Variants in FMN2 observed in about 807,000 individuals in gnomAD.
FMN2 encodes the protein formin 2.
Under a neutral mutation model 142.3 loss-of-function variants are expected in FMN2, and 51 were observed. That is an observed-to-expected ratio of 0.36 (90% CI 0.29 to 0.45). FMN2 has a LOEUF of 0.45. Ranked by LOEUF, FMN2 falls within the 20% of genes least tolerant of loss-of-function variation. The pLI is 1.00. For missense variants in FMN2, 1,936 were observed against 2,122.8 expected, an observed-to-expected ratio of 0.91 and a Z score of 1.73; for synonymous variants, 882 against 869.8, an observed-to-expected ratio of 1.01 and a Z score of -0.25.
At chr1:240,219,974 G>A (rs1572081663) in intron 6 of FMN2, among the ~76,000 whole-genome samples, 1 of 152,116 alleles carries the variant, frequency 6.6e-6, no homozygotes, top group African/African-American at 2.4e-5. Context: ...AATGGAAGAT[G>A]TTTAGTATTT....
chr1:240,350,493 C>A (rs1207929627), intron 13 of FMN2, among the ~76,000 whole-genome samples: 1 of 152,162 alleles, frequency 6.6e-6, no homozygotes, highest in Non-Finnish European at 1.5e-5. Context: ...AAATTATAAT[C>A]AGAAACAAAG....
chr1:240,214,421 G>T (rs903458756), intron 6 of FMN2, among the ~76,000 whole-genome samples: 1 of 151,864 alleles, frequency 6.6e-6, no homozygotes, highest in Non-Finnish European at 1.5e-5. Flanking sequence ...CGTGGCAGCA[G>T]GTGCCCGTAG....
At chr1:240,431,582 G>A (rs76773771) in intron 15 of FMN2, among the ~76,000 whole-genome samples, 5,333 of 151,300 alleles carry the variant, frequency 0.035, 260 homozygotes, top group African/African-American at 0.12. Context: ...ATACCATTGC[G>A]TATGTTAACT....
intron 2 of FMN2, chr1:240,143,945 C>T (rs1237646026): frequency 1.4e-6 from 2 of 1,469,596 alleles, no homozygotes; most frequent in East Asian, 2.3e-5. Flanking sequence ...GGAACCAAGT[C>T]TCATGGTGTT....
chr1:240,283,054 A>C (rs553368196), intron 7 of FMN2, among the ~76,000 whole-genome samples: 1 of 152,118 alleles, frequency 6.6e-6, no homozygotes, highest in South Asian at 2.1e-4. Context: ...AGTGACATGC[A>C]CCTCCCGAAG....
intron 6 of FMN2, chr1:240,245,564 T>G (rs754565861): frequency 2.1e-6 from 1 of 471,368 alleles, no homozygotes; most frequent in South Asian, 1.5e-5. Context: ...AGGCAGAGGA[T>G]GGTAAGTGTC....
At chr1:240,381,289 C>A (rs1010940601) in intron 14 of FMN2, among the ~76,000 whole-genome samples, 5 of 152,106 alleles carry the variant, frequency 3.3e-5, no homozygotes, top group African/African-American at 1.2e-4. Flanking sequence ...ACTAGCAAAC[C>A]AAATCCAACA....
At chr1:240,286,565 G>T (rs1295655504) in intron 7 of FMN2, among the ~76,000 whole-genome samples, 2 of 152,104 alleles carry the variant, frequency 1.3e-5, no homozygotes, top group Non-Finnish European at 2.9e-5. Flanking sequence ...GAGTAGAGCT[G>T]GCTTCCACAT....
intron 7 of FMN2, among the ~76,000 whole-genome samples, chr1:240,275,699 C>T (rs1483010550): frequency 6.6e-6 from 1 of 152,166 alleles, no homozygotes; most frequent in Admixed American, 6.5e-5. Context: ...CTAATTTACA[C>T]TCTCACCAAC....
chr1:240,159,723 ATTAC>A (rs1480221944), intron 2 of FMN2, among the ~76,000 whole-genome samples: 1 of 151,824 alleles, frequency 6.6e-6, no homozygotes. Context: ...ACTGCCATTT[ATTAC>A]TTTTAATTCT....
At position 240,202,775 on chromosome 1, in the gene FMN2, TC is replaced by T. The variant is rs1245047855; in HGVS notation, c.1987-4022del. On this transcript the variant is annotated intron_variant, in intron 4 of 17. Coordinates refer to ENST00000319653, the MANE Select transcript of FMN2 (RefSeq NM_020066.5). ...ACTGTGCCTCATCAGAATCACTTTT[TC>T]CTCTGTGTGTGTATGTGTTTATATA... 2.6e-5 allele frequency among the ~76,000 whole-genome samples: 4 copies of T among 152,190 alleles called. No individual in the cohort carries two copies. In the East Asian group the frequency reaches 7.7e-4, roughly 29 times the overall value.
chr1:240,168,624 T>C (rs1356069494), intron 2 of FMN2, among the ~76,000 whole-genome samples: 1 of 152,124 alleles, frequency 6.6e-6, no homozygotes, highest in Non-Finnish European at 1.5e-5. Context: ...TTTTTGTTAT[T>C]TCCCCAATAG....
chr1:240,470,216 A>AAC (rs373715603), intron 16 of FMN2, among the ~76,000 whole-genome samples: 30,004 of 151,234 alleles, frequency 0.2, 3,175 homozygotes, highest in Middle Eastern at 0.28. Context: ...TGAAAAAAAA[A>AAC]AAAAAAACAG....
At chr1:240,175,697 T>G (rs1664885481) in intron 2 of FMN2, among the ~76,000 whole-genome samples, 1 of 142,974 alleles carries the variant, frequency 7.0e-6, no homozygotes, top group Non-Finnish European at 1.5e-5. Context: ...CCCAGGCTGG[T>G]GCTTTATTTT....
chr1:240,304,897 T>G (rs968021077), intron 8 of FMN2, among the ~76,000 whole-genome samples: 2 of 152,178 alleles, frequency 1.3e-5, no homozygotes, highest in Non-Finnish European at 2.9e-5. Context: ...TTAACTGTAA[T>G]TTAAGCTCCA....
At chr1:240,101,315 G>C (rs1258081800) in intron 1 of FMN2, among the ~76,000 whole-genome samples, 2 of 152,148 alleles carry the variant, frequency 1.3e-5, no homozygotes, top group Non-Finnish European at 2.9e-5. Context: ...TGTGTATTTA[G>C]AGCTTTCCTT....
chr1:240,428,215 A>T (rs916950763), intron 15 of FMN2, among the ~76,000 whole-genome samples: 1 of 148,862 alleles, frequency 6.7e-6, no homozygotes, highest in Admixed American at 6.7e-5. Flanking sequence ...ATTGTTACTG[A>T]TCTCCAAAAC....
intron 1 of FMN2, among the ~76,000 whole-genome samples, chr1:240,107,248 A>G (rs1661648766): frequency 6.6e-6 from 1 of 152,076 alleles, no homozygotes; most frequent in Non-Finnish European, 1.5e-5. Context: ...GACTGAGTGA[A>G]GATCAAATGG....
chr1:240,165,904 T>A (rs1664462747), intron 2 of FMN2, among the ~76,000 whole-genome samples: 1 of 151,922 alleles, frequency 6.6e-6, no homozygotes, highest in African/African-American at 2.4e-5. Flanking sequence ...CTCTTAGAGG[T>A]CAGGGTCCTC....
Sources: allele counts gnomAD v4.1 joint callset (sites outside exome capture counted in the v4.1 genomes callset), GRCh38; gene constraint gnomAD v4.1.1; transcripts MANE v1.5; gene names NCBI Gene and HGNC (gene_info 2026-07-23, HGNC 2026-07-21).